WNT3A: variants seen among roughly 807,000 people sequenced by gnomAD.
WNT3A encodes the protein Wnt family member 3A.
In WNT3A, 17 loss-of-function variants were observed where a neutral mutation model predicts 37.0. The observed-to-expected ratio is 0.46, with a 90% CI of 0.31 to 0.69. The LOEUF is 0.69. Among genes scored for constraint, WNT3A ranks in the 30% least tolerant of loss-of-function variants. The probability of loss-of-function intolerance (pLI) is 0.05; values close to 1 mark genes in which losing one functional copy is unlikely to be tolerated. For missense variants in WNT3A, 411 were observed against 510.2 expected, an observed-to-expected ratio of 0.81 and a Z score of 1.87; for synonymous variants, 187 against 211.0, an observed-to-expected ratio of 0.89 and a Z score of 0.99.
intron 2 of WNT3A, among the ~76,000 whole-genome samples, chr1:228,040,524 C>T (rs767277965): frequency 1.3e-5 from 2 of 152,134 alleles, no homozygotes; most frequent in Non-Finnish European, 2.9e-5. Context: ...AACTGAGCAA[C>T]TTTAGTGAAA....
chr1:228,019,113 G>C (rs1431740084), intron 1 of WNT3A, among the ~76,000 whole-genome samples: 4 of 152,246 alleles, frequency 2.6e-5, no homozygotes, highest in Non-Finnish European at 2.9e-5. Context: ...CCACCCGGGA[G>C]GAGGGTGAGA....
chr1:228,031,771 G>A lies in WNT3A; in HGVS notation c.313+8863G>A, dbSNP rs1469234475. On this transcript the variant is annotated intron_variant, in intron 2 of 3. Coordinates refer to ENST00000284523, the MANE Select transcript of WNT3A (RefSeq NM_033131.4). This position sits in a 1 kb window ranked among gnomAD's most constrained non-coding sequence, Gnocchi z 4.8. ...CAGTTGCTGCCCGCTAGGGTTCCTG[G>A]GCTGTGCTGTAGCCAGTGGTGGCAT... Among the ~76,000 whole-genome samples the A allele has an allele frequency of 1.3e-5, 2 of 152,168 alleles. No homozygotes were observed. Among genetic ancestry groups the A allele is most frequent in the Non-Finnish European group, 2.9e-5 (2 of 68,040 alleles).
chr1:228,034,442 GT>G (rs1182374041), intron 2 of WNT3A, among the ~76,000 whole-genome samples: 1 of 152,136 alleles, frequency 6.6e-6, no homozygotes, highest in African/African-American at 2.4e-5. Context: ...TCTGGATGCA[GT>G]TTTTTCATTT....
rs1233177724 is a variant in WNT3A at position 228,059,911 on chromosome 1, C to A, written c.*446C>A. The A allele has an allele frequency of 1.9e-6, 2 of 1,046,670 alleles. No individual in the cohort carries two copies. The highest frequency in any genetic ancestry group is 2.3e-6 in the Non-Finnish European group (2 of 867,300). 64.8% of individuals were successfully genotyped at this position (1,046,670 alleles called of 1,614,324 possible). On this transcript the variant is annotated 3_prime_UTR_variant, in exon 4 of 4. Transcript: ENST00000284523. Reference sequence around the variant, plus strand: ...GGGGCTCCTCCTGAAGGAGGCGGGGCTCTAGGATGGGGCACGGCTCTGGGG... The same window carrying A: ...GGGGCTCCTCCTGAAGGAGGCGGGGATCTAGGATGGGGCACGGCTCTGGGG...
chr1:228,018,735 G>A (rs995494188), intron 1 of WNT3A, among the ~76,000 whole-genome samples: 1 of 152,098 alleles, frequency 6.6e-6, no homozygotes, highest in African/African-American at 2.4e-5. Context: ...ATCCTTCAAG[G>A]CCCAGCCAAA....
At position 228,008,184 on chromosome 1, in the gene WNT3A, A is replaced by G. The variant is rs1340203725; in HGVS notation, c.71+985A>G. On this transcript the variant is annotated intron_variant, in intron 1 of 3. Coordinates refer to ENST00000284523, the MANE Select transcript of WNT3A (RefSeq NM_033131.4). The surrounding 1 kb of genome is among the most constrained non-coding windows in gnomAD (Gnocchi z 4.9). ...GCTCTGAGATGCCCAAGATTGAGGA[A>G]CACAAGTGGGAGGAATGTGGGCGCG... 6.6e-6 allele frequency among the ~76,000 whole-genome samples: 1 copy of G among 152,098 alleles called. No individual in the cohort carries two copies. The highest frequency in any genetic ancestry group is 2.4e-5 in the African/African-American group (1 of 41,416).
rs2031186554 is a variant in WNT3A, at chr1:228,038,080, C to A, written c.314-12576C>A. ...TCAGCACGGCGCCCGGCCGCGCGGG[C>A]CGCCCGGCGGTGTCAGGGGCCGTGG... On this transcript the variant is annotated intron_variant, in intron 2 of 3. Transcript: ENST00000284523. The surrounding 1 kb of genome is among the most constrained non-coding windows in gnomAD (Gnocchi z 5.7). Among the ~76,000 whole-genome samples, 1 of 151,998 alleles carries A rather than the reference C, an allele frequency of 6.6e-6. No homozygotes were observed. The highest frequency in any genetic ancestry group is 1.5e-5 in the Non-Finnish European group (1 of 67,964).
chr1:228,046,107 G>C (rs1419503717), intron 2 of WNT3A, among the ~76,000 whole-genome samples: 2 of 152,358 alleles, frequency 1.3e-5, no homozygotes, highest in East Asian at 3.9e-4. Flanking sequence ...ACCGGAAAGA[G>C]CCCGAGGGGA....
intron 3 of WNT3A, among the ~76,000 whole-genome samples, chr1:228,055,787 C>T (rs773061434): frequency 1.3e-5 from 2 of 152,152 alleles, no homozygotes; most frequent in Non-Finnish European, 1.5e-5. Context: ...TTTCAGGGTA[C>T]TTTATAGCCC....
chr1:228,024,566 A>C lies in WNT3A; in HGVS notation c.313+1658A>C, dbSNP rs2030807703. ...GTTCTTTATATATTCTGGATACTGG[A>C]TGTGCATCAGATGTATGATTGGTGA... On this transcript the variant is annotated intron_variant, in intron 2 of 3. Coordinates refer to ENST00000284523, the MANE Select transcript of WNT3A (RefSeq NM_033131.4). 2.6e-5 allele frequency among the ~76,000 whole-genome samples: 4 copies of C among 152,108 alleles called. No individual in the cohort carries two copies. In the Middle Eastern group the frequency reaches 0.014, roughly 517 times the overall value.
At position 228,039,836 on chromosome 1, in the gene WNT3A, C is replaced by T. The variant is rs988532612; in HGVS notation, c.314-10820C>T. On this transcript the variant is annotated intron_variant, in intron 2 of 3. Coordinates refer to ENST00000284523, the MANE Select transcript of WNT3A (RefSeq NM_033131.4). The surrounding 1 kb of genome is among the most constrained non-coding windows in gnomAD (Gnocchi z 4.1). ...CTTCAGACTGAGCACTCTGCCTCCC[C>T]GAGGAGCTGGATTTCATTGTCCTAT... Among the ~76,000 whole-genome samples, 12 of 152,290 alleles carry T rather than the reference C, an allele frequency of 7.9e-5. No individual in the cohort carries two copies. The highest frequency in any genetic ancestry group is 5.8e-4 in the East Asian group (3 of 5,184).
At position 228,051,304 on chromosome 1, in the gene WNT3A, G is replaced by A. The variant is rs1036744081; in HGVS notation, c.579+383G>A. Among the ~76,000 whole-genome samples the A allele has an allele frequency of 2.0e-5, 3 of 152,086 alleles. No individual in the cohort carries two copies. In the South Asian group the frequency reaches 6.2e-4, roughly 32 times the overall value. On this transcript the variant is annotated intron_variant, in intron 3 of 3. Coordinates refer to ENST00000284523, the MANE Select transcript of WNT3A (RefSeq NM_033131.4). ...TCAAGGACAGCTGGCAGTAATTTAGGGGGAGGGAGGCTGGGAGAGCCTCCC... is the reference window on the plus strand; with the variant it reads ...TCAAGGACAGCTGGCAGTAATTTAGAGGGAGGGAGGCTGGGAGAGCCTCCC...
chr1:228,030,395 C>CA (rs1231391017), intron 2 of WNT3A, among the ~76,000 whole-genome samples: 2,873 of 99,868 alleles, frequency 0.029, 95 homozygotes, highest in African/African-American at 0.089. Flanking sequence ...GACTCCATCT[C>CA]AAAAAAAAAA....
chr1:228,018,231 C>G (rs1338320696), intron 1 of WNT3A, among the ~76,000 whole-genome samples: 1 of 152,144 alleles, frequency 6.6e-6, no homozygotes, highest in Non-Finnish European at 1.5e-5. Context: ...CTGAGACAGG[C>G]CTGTCTGTCC....
chr1:228,043,798 C>T (rs1189189605), intron 2 of WNT3A, among the ~76,000 whole-genome samples: 3 of 152,148 alleles, frequency 2.0e-5, no homozygotes, highest in African/African-American at 7.2e-5. Context: ...TGCTCCCAGA[C>T]ATACCCCATC....
At chr1:228,024,875 T>C (rs1478178869) in intron 2 of WNT3A, among the ~76,000 whole-genome samples, 1 of 152,244 alleles carries the variant, frequency 6.6e-6, no homozygotes, top group Non-Finnish European at 1.5e-5. Flanking sequence ...GTTATTCCAG[T>C]ACCTTCTATG....
At chr1:228,015,679 A>G (rs989686116) in intron 1 of WNT3A, among the ~76,000 whole-genome samples, 2 of 152,082 alleles carry the variant, frequency 1.3e-5, no homozygotes, top group Admixed American at 1.3e-4. Flanking sequence ...GTAGGGAGTG[A>G]CGGATGGCAA....
intron 2 of WNT3A, among the ~76,000 whole-genome samples, chr1:228,034,901 G>C (rs1222434509): frequency 6.6e-6 from 1 of 152,124 alleles, no homozygotes; most frequent in Non-Finnish European, 1.5e-5. Flanking sequence ...GGAAGATCCA[G>C]GAGTCTCCTG....
chr1:228,059,227 AC>A lies in WNT3A; in HGVS notation c.822del (p.Tyr274Ter). On this transcript the variant is annotated frameshift_variant, in exon 4 of 4. Coordinates refer to ENST00000284523, the MANE Select transcript of WNT3A (RefSeq NM_033131.4). LOFTEE classifies it high-confidence loss of function. Reference sequence around the variant, plus strand: ...CCCACGGAGCGCGACCTGGTCTACTACGAGGCCTCGCCCAACTTCTGCGAGC... The same window carrying A: ...CCCACGGAGCGCGACCTGGTCTACTAGAGGCCTCGCCCAACTTCTGCGAGC... ...KVPTERDLVY[Y>X]EASPNFCEPN... The A allele has an allele frequency of 6.2e-7, 1 of 1,610,858 alleles. No homozygotes were observed. The highest frequency in any genetic ancestry group is 8.5e-7 in the Non-Finnish European group (1 of 1,179,702).
Sources: gnomAD v4.1 joint callset for allele counts (sites outside exome capture counted in the v4.1 genomes callset) on GRCh38, gnomAD v4.1.1 for gene constraint, Gnocchi (gnomAD v3.1) non-coding constraint, MANE v1.5 for transcripts, NCBI Gene and HGNC (gene_info 2026-07-23, HGNC 2026-07-21) for gene names.